The following CDH12 variants were observed in gnomAD, a reference collection of about 807,000 sequenced individuals.
CDH12 encodes cadherin 12, also known as cadherin-12.
A neutral mutation model predicts 74.1 loss-of-function variants in CDH12; 41 were observed. The observed-to-expected ratio is 0.55, with a 90% CI of 0.43 to 0.72. The LOEUF is 0.72. Ranked by LOEUF, CDH12 falls within the 30% of genes least tolerant of loss-of-function variation. The pLI is 0.00. For synonymous variants in CDH12, 399 were observed against 355.0 expected, an observed-to-expected ratio of 1.12 and a Z score of -1.39; for missense variants, 945 against 977.2, an observed-to-expected ratio of 0.97 and a Z score of 0.44.
intron 1 of CDH12, among the ~76,000 whole-genome samples, chr5:22,570,201 G>A (rs962771060): frequency 1.5e-4 from 23 of 151,330 alleles, no homozygotes; most frequent in East Asian, 3.9e-4. Context: ...GATTACAGGC[G>A]CCCACCACCA....
intron 3 of CDH12, among the ~76,000 whole-genome samples, chr5:22,338,372 A>C (rs987259694): frequency 6.6e-6 from 1 of 152,118 alleles, no homozygotes; most frequent in African/African-American, 2.4e-5. Flanking sequence ...CTAAAAATCA[A>C]AACGATTGAA....
intron 1 of CDH12, among the ~76,000 whole-genome samples, chr5:22,793,322 T>G (rs1748014641): frequency 6.6e-6 from 1 of 152,228 alleles, no homozygotes; most frequent in Non-Finnish European, 1.5e-5. Flanking sequence ...TATTATAGAT[T>G]ATTTTTCTGC....
intron 1 of CDH12, among the ~76,000 whole-genome samples, chr5:22,545,923 ATTT>A (rs1214321692): frequency 6.8e-6 from 1 of 147,402 alleles, no homozygotes; most frequent in African/African-American, 2.5e-5. Flanking sequence ...AACTGTCTAG[ATTT>A]TTGTTGTTGT....
At chr5:21,941,508 A>C (rs866009376) in intron 6 of CDH12, among the ~76,000 whole-genome samples, 11 of 152,060 alleles carry the variant, frequency 7.2e-5, no homozygotes, top group Non-Finnish European at 1.6e-4. Context: ...CAAATTTGAA[A>C]AATGTGACTG....
At chr5:22,444,137 A>G (rs896745869) in intron 2 of CDH12, among the ~76,000 whole-genome samples, 1 of 152,072 alleles carries the variant, frequency 6.6e-6, no homozygotes, top group African/African-American at 2.4e-5. Flanking sequence ...AAAAGAAAAC[A>G]TACAATTAAA....
chr5:22,174,161 G>C (rs1383178036), intron 4 of CDH12, among the ~76,000 whole-genome samples: 1 of 151,942 alleles, frequency 6.6e-6, no homozygotes, highest in Non-Finnish European at 1.5e-5. Flanking sequence ...TGTGGCACAA[G>C]ATTCATTGGA....
At chr5:22,166,325 C>A (rs1014682748) in intron 4 of CDH12, among the ~76,000 whole-genome samples, 6 of 152,226 alleles carry the variant, frequency 3.9e-5, no homozygotes, top group Admixed American at 3.3e-4. Context: ...TAATGAATAT[C>A]TGACTGCACT....
chr5:22,721,635 T>A (rs1264722504), intron 1 of CDH12, among the ~76,000 whole-genome samples: 1 of 152,142 alleles, frequency 6.6e-6, no homozygotes, highest in Non-Finnish European at 1.5e-5. Context: ...GACATGAGAT[T>A]TGAGAGGGAC....
intron 1 of CDH12, among the ~76,000 whole-genome samples, chr5:22,589,587 T>C (rs1740580634): frequency 6.6e-6 from 1 of 152,204 alleles, no homozygotes; most frequent in African/African-American, 2.4e-5. Context: ...GGTCACTCCT[T>C]AGCCTTCTTT....
At chr5:22,117,026 TG>T (rs762391844) in intron 4 of CDH12, among the ~76,000 whole-genome samples, 12 of 151,750 alleles carry the variant, frequency 7.9e-5, no homozygotes, top group Non-Finnish European at 1.5e-4. Flanking sequence ...CAATATGTTA[TG>T]GTAGAGTGAC....
chr5:22,209,446 C>T (rs1044301670), intron 4 of CDH12, among the ~76,000 whole-genome samples: 31 of 152,172 alleles, frequency 2.0e-4, no homozygotes, highest in Admixed American at 1.5e-3. Flanking sequence ...TCACTATTAA[C>T]GTGAGTTCCC....
intron 5 of CDH12, among the ~76,000 whole-genome samples, chr5:22,062,811 A>G (rs1217781499): frequency 1.3e-5 from 2 of 152,168 alleles, no homozygotes; most frequent in Admixed American, 1.3e-4. Context: ...CTAACACATT[A>G]GACAGAACTT....
rs114575733 is a variant in CDH12, at chr5:22,131,984, A to T, written c.-186-53122T>A. Among the ~76,000 whole-genome samples, 10 of 152,266 alleles carry T rather than the reference A, an allele frequency of 6.6e-5. No homozygotes were observed. In the East Asian group the frequency reaches 1.9e-3, roughly 30 times the overall value. On this transcript the variant is annotated intron_variant, in intron 4 of 14. Coordinates refer to ENST00000382254, the MANE Select transcript of CDH12 (RefSeq NM_004061.5). ...GAAAGGAAAACTTAAGTTCTTCCTT[A>T]TAAGAATTTAAAACGTGTATCTCCA...
intron 4 of CDH12, among the ~76,000 whole-genome samples, chr5:22,081,389 C>T (rs1387899393): frequency 6.6e-6 from 1 of 152,064 alleles, no homozygotes; most frequent in African/African-American, 2.4e-5. Context: ...GGGTTAACCT[C>T]CAAGGTGTAT....
intron 1 of CDH12, among the ~76,000 whole-genome samples, chr5:22,834,832 C>T (rs1235980197): frequency 6.7e-6 from 1 of 148,756 alleles, no homozygotes; most frequent in Non-Finnish European, 1.5e-5. Context: ...GAAAGAAAAG[C>T]AAAGGAAAGG....
At chr5:22,407,127 A>G (rs1399890604) in intron 2 of CDH12, among the ~76,000 whole-genome samples, 1 of 152,112 alleles carries the variant, frequency 6.6e-6, no homozygotes. Flanking sequence ...ACATCAATGT[A>G]CACATTATAT....
Position 22,327,428 on chromosome 5 carries a change from CTGTGTGTGTGTGTGTGTGTGTGTG to C in CDH12, c.-333+77805_-333+77828del, listed in dbSNP as rs71609761. ...TGACCGGGAGATAAAATTTGTGCCT[CTGTGTGTGTGTGTGTGTGTGTGTG>C]TGTGTGTGTGTGTGTGTGCATCTGT... On this transcript the variant is annotated intron_variant, in intron 3 of 14. Coordinates refer to ENST00000382254, the MANE Select transcript of CDH12 (RefSeq NM_004061.5). Among the ~76,000 whole-genome samples, 5 of 103,344 alleles carry C rather than the reference CTGTGTGTGTGTGTGTGTGTGTGTG, an allele frequency of 4.8e-5. No homozygotes were observed. The East Asian group carries it at 1.5e-3, about 30-fold the overall frequency. 67.8% of individuals were successfully genotyped at this position (103,344 alleles called of 152,430 possible).
intron 5 of CDH12, among the ~76,000 whole-genome samples, chr5:22,071,566 C>G (rs1281501425): frequency 1.3e-5 from 2 of 152,080 alleles, no homozygotes; most frequent in Non-Finnish European, 1.5e-5. Flanking sequence ...TTGCCTCTTA[C>G]TAATTAGATC....
intron 1 of CDH12, among the ~76,000 whole-genome samples, chr5:22,775,010 T>G (rs1747018122): frequency 6.6e-6 from 1 of 151,532 alleles, no homozygotes; most frequent in Non-Finnish European, 1.5e-5. Flanking sequence ...AAACAAACAA[T>G]GTTTTATATA....
Sources: allele counts gnomAD v4.1 joint callset (sites outside exome capture counted in the v4.1 genomes callset), GRCh38; gene constraint gnomAD v4.1.1; transcripts MANE v1.5; gene names NCBI Gene and HGNC (gene_info 2026-07-23, HGNC 2026-07-21).